The following DIP2C variants were observed in gnomAD, a reference collection of about 807,000 sequenced individuals.
DIP2C encodes the protein disco-interacting protein 2 homolog C.
DIP2C carries 33 observed loss-of-function variants against 192.4 expected under a neutral mutation model. That is an observed-to-expected ratio of 0.17 (90% CI 0.13 to 0.23). DIP2C has a LOEUF of 0.23. Ranked by LOEUF, DIP2C falls within the 10% of genes least tolerant of loss-of-function variation. DIP2C has a pLI of 1.00. For missense variants in DIP2C, 1,537 were observed against 2,110.1 expected (o/e 0.73, Z 5.32); for synonymous variants, 979 against 864.1 (o/e 1.13, Z -2.33).
Position 275,131 on chromosome 10 carries a change from A to G in DIP2C, c.*2194T>C, listed in dbSNP as rs1188403063. 1 of 152,258 alleles carries G rather than the reference A, an allele frequency of 6.6e-6. No individual in the cohort carries two copies. The highest frequency in any genetic ancestry group is 1.5e-5 in the Non-Finnish European group (1 of 68,062). 9.4% of individuals were successfully genotyped at this position (152,258 alleles called of 1,614,324 possible). A position where few individuals can be genotyped will look rare whatever the true frequency, so the allele number is the denominator to read the frequency against. ...AGTTGATCTGGTGACAGTTGAAATTATGTTTGAAGTGACATCTACATTTGT... is the reference window on the plus strand; with the variant it reads ...AGTTGATCTGGTGACAGTTGAAATTGTGTTTGAAGTGACATCTACATTTGT... On this transcript the variant is annotated 3_prime_UTR_variant, in exon 37 of 37. Transcript: ENST00000280886.
intron 29 of DIP2C, among the ~76,000 whole-genome samples, chr10:337,281 TTC>T (rs71376816): frequency 0.11 from 1,895 of 17,664 alleles, 8 homozygotes; most frequent in Middle Eastern, 0.3. Flanking sequence ...TGTGTGTGTG[TTC>T]TGTGGAGGCC....
Position 366,382 on chromosome 10 carries a change from C to A in DIP2C, c.2161G>T (p.Val721Phe), listed in dbSNP as rs776789220. ...AIMCSVKPDG[V>F]PQLCRTDEIG... ...TCATCCGTTCTGCACAGCTGAGGAA[C>A]CCCGTCTGGCTTCACTGAACACATG... The change falls in exon 19 of 37, where the codon GTT becomes TTT. Residue 721 changes from valine (V) to phenylalanine (F), a missense_variant. Val to Phe is a conservative substitution (Grantham distance 50, BLOSUM62 -1). This residue lies in a region of DIP2C where 677 missense variants were observed against 989.9 expected (regional missense o/e 0.68). Transcript: ENST00000280886. The A allele has an allele frequency of 3.7e-6, 6 of 1,614,098 alleles. No homozygotes were observed. The African/African-American group carries it at 5.3e-5, about 14-fold the overall frequency.
At chr10:378,014 AAC>A (rs1395158062) in intron 17 of DIP2C, among the ~76,000 whole-genome samples, 5 of 152,178 alleles carry the variant, frequency 3.3e-5, no homozygotes, top group African/African-American at 1.2e-4. Context: ...TAGAGATGGT[AAC>A]AGAGTCAGAT....
intron 1 of DIP2C, among the ~76,000 whole-genome samples, chr10:612,291 C>CAAA (rs138521910): frequency 2.0e-4 from 28 of 141,742 alleles, no homozygotes; most frequent in African/African-American, 6.4e-4. Flanking sequence ...GACTCCGTCT[C>CAAA]AAAAAAAAAA....
At chr10:609,062 G>T (rs1181871576) in intron 1 of DIP2C, among the ~76,000 whole-genome samples, 1 of 151,562 alleles carries the variant, frequency 6.6e-6, no homozygotes, top group Non-Finnish European at 1.5e-5. Flanking sequence ...ATAAACAAAA[G>T]GAGTATCACA....
At chr10:571,499 C>T (rs1391778555) in intron 1 of DIP2C, among the ~76,000 whole-genome samples, 1 of 151,976 alleles carries the variant, frequency 6.6e-6, no homozygotes, top group Non-Finnish European at 1.5e-5. Flanking sequence ...CTCCCTCCCC[C>T]TTTCACTTCC....
chr10:583,787 C>G (rs1165813985), intron 1 of DIP2C, among the ~76,000 whole-genome samples: 1 of 152,190 alleles, frequency 6.6e-6, no homozygotes, highest in African/African-American at 2.4e-5. Flanking sequence ...TCCACCCGAT[C>G]GCTCCAAAAC....
At chr10:399,383 G>C (rs994714065) in intron 9 of DIP2C, among the ~76,000 whole-genome samples, 164 bp from the exon 10 acceptor site, 7 of 152,164 alleles carry the variant, frequency 4.6e-5, no homozygotes, top group Non-Finnish European at 1.0e-4. Context: ...CACACACCCG[G>C]CCTTGAATTC....
At chr10:606,273 T>C (rs1414904672) in intron 1 of DIP2C, among the ~76,000 whole-genome samples, 1 of 151,862 alleles carries the variant, frequency 6.6e-6, no homozygotes, top group African/African-American at 2.4e-5. Flanking sequence ...CCCAGCACGC[T>C]CTGTCCGAGG....
chr10:423,036 G>A lies in DIP2C; in HGVS notation c.395-3C>T, dbSNP rs769306590. On this transcript the variant is annotated splice_region_variant and splice_polypyrimidine_tract_variant and intron_variant, in intron 4 of 36. Transcript: ENST00000280886. The stretch of plus-strand genomic sequence containing the variant: ...ATCTTCTGAGCCAGAAGAGGTATCT[G>A]TGTAAGAAGAAAGGTGATTTGCTGT... The A allele has an allele frequency of 1.3e-6, 2 of 1,597,600 alleles. No homozygotes were observed. Among genetic ancestry groups the A allele is most frequent in the East Asian group, 2.2e-5 (1 of 44,594 alleles).
At chr10:298,598 G>T (rs1302159221) in intron 32 of DIP2C, among the ~76,000 whole-genome samples, 1 of 152,220 alleles carries the variant, frequency 6.6e-6, no homozygotes, top group Non-Finnish European at 1.5e-5. Context: ...CCAAGCCCAT[G>T]CCTCAGGCCC....
At chr10:367,341 C>CCA (rs1458003336) in intron 18 of DIP2C, among the ~76,000 whole-genome samples, 1,924 of 151,630 alleles carry the variant, frequency 0.013, 36 homozygotes, top group African/African-American at 0.044. Flanking sequence ...GGCGTGAACC[C>CCA]GGGAGGCAGA....
At chr10:419,012 C>A in intron 6 of DIP2C, 53 bp downstream of exon 6, 3 of 1,611,880 alleles carry the variant, frequency 1.9e-6, no homozygotes, top group Non-Finnish European at 2.5e-6. Context: ...CGGAACGGGA[C>A]GTCAGCACAA....
At chr10:596,156 A>T (rs1564246306) in intron 1 of DIP2C, among the ~76,000 whole-genome samples, 3 of 152,304 alleles carry the variant, frequency 2.0e-5, no homozygotes, top group South Asian at 4.1e-4. Context: ...GGTCACAGAT[A>T]ACGTTTTAAA....
chr10:559,792 G>C (rs551091844), intron 1 of DIP2C, among the ~76,000 whole-genome samples: 250 of 152,292 alleles, frequency 1.6e-3, no homozygotes, highest in Admixed American at 3.2e-3. Flanking sequence ...CCATGGCCCC[G>C]GCCTGGCAGG....
chr10:531,386 C>T (rs574175554), intron 1 of DIP2C, among the ~76,000 whole-genome samples: 3 of 152,224 alleles, frequency 2.0e-5, no homozygotes, highest in South Asian at 4.2e-4. Flanking sequence ...CTTACAGTTC[C>T]CCCGAGACCA....
Position 283,343 on chromosome 10 carries a change from G to C in DIP2C, c.4223C>G (p.Thr1408Ser). Residue 1408 changes from threonine to serine, a missense_variant, in exon 35 of 37, where the codon ACC becomes AGC. This residue lies in a region of DIP2C where 341 missense variants were observed against 551.7 expected (regional missense o/e 0.62). Transcript: ENST00000280886. The stretch of plus-strand genomic sequence containing the variant: ...GCCTGTGCGTGCCCAGATGGTCTGG[G>C]TGTCTCCAAAACTTAGTCTTGAGTT... Reference protein sequence around the residue: ...HFNSRLSFGDTQTIWARTGYL... With the variant: ...HFNSRLSFGDSQTIWARTGYL... 6.2e-7 allele frequency: 1 copy of C among 1,614,154 alleles called. No homozygotes were observed. The highest frequency in any genetic ancestry group is 8.5e-7 in the Non-Finnish European group (1 of 1,180,006).
At chr10:501,879 T>G (rs1347097286) in intron 1 of DIP2C, among the ~76,000 whole-genome samples, 1 of 152,146 alleles carries the variant, frequency 6.6e-6, no homozygotes, top group East Asian at 1.9e-4. Context: ...GTGTGCTGGC[T>G]CACACCTGTA....
At chr10:490,358 A>G (rs1844344932) in intron 1 of DIP2C, among the ~76,000 whole-genome samples, 1 of 152,250 alleles carries the variant, frequency 6.6e-6, no homozygotes, top group Non-Finnish European at 1.5e-5. Flanking sequence ...GAAAGAGGGC[A>G]CATCCTTCCC....
Sources: gnomAD v4.1 joint callset for allele counts (sites outside exome capture counted in the v4.1 genomes callset) on GRCh38, gnomAD v4.1.1 for gene constraint, gnomAD v4.1.1 regional missense constraint, MANE v1.5 for transcripts, NCBI Gene and HGNC (gene_info 2026-07-23, HGNC 2026-07-21) for gene names.